The following EIF3B variants were observed in gnomAD, a reference collection of about 807,000 sequenced individuals.
EIF3B encodes eukaryotic translation initiation factor 3 subunit B, also known as eukaryotic translation initiation factor 3 subunit 9.
EIF3B carries 10 observed loss-of-function variants against 104.6 expected under a neutral mutation model. The observed-to-expected ratio is 0.10, with a 90% CI of 0.06 to 0.16. EIF3B has a LOEUF of 0.16. EIF3B is among the 10% of genes least tolerant of loss of function. EIF3B has a pLI of 1.00. For missense variants in EIF3B, 1,014 were observed against 1,087.9 expected (o/e 0.93, Z 0.96); for synonymous variants, 542 against 417.2 (o/e 1.30, Z -3.65).
At chr7:2,378,930 C>A in intron 16 of EIF3B, 164 bp downstream of exon 16, 1 of 768,136 alleles carries the variant, frequency 1.3e-6, no homozygotes, top group Non-Finnish European at 2.1e-6. Context: ...GGGGTTGGCA[C>A]GGGGACTTGG....
chr7:2,379,728 A>G, intron 18 of EIF3B: 1 of 539,520 alleles, frequency 1.9e-6, no homozygotes, highest in Non-Finnish European at 3.3e-6. Flanking sequence ...GGCGCCTTTC[A>G]GGCAGTGCTG....
chr7:2,370,936 G>A (rs1304461783), intron 10 of EIF3B, among the ~76,000 whole-genome samples: 2 of 152,046 alleles, frequency 1.3e-5, no homozygotes, highest in Non-Finnish European at 1.5e-5. Context: ...GGTGGCGGGT[G>A]CCTGTAGTCC....
At chr7:2,356,924 CATCTAGTCTACGCCCCTCAGTCCTGAGG>C (rs1340972356) in intron 1 of EIF3B, among the ~76,000 whole-genome samples, 2 of 152,044 alleles carry the variant, frequency 1.3e-5, no homozygotes, top group Non-Finnish European at 2.9e-5. Context: ...ACTTTGGGAA[CATCTAGTCTACGCCCCTCAGTCCTGAGG>C]AAACTTGTCC....
At chr7:2,362,883 C>T (rs1268080720) in intron 3 of EIF3B, 119 bp downstream of exon 3, 1 of 1,501,280 alleles carries the variant, frequency 6.7e-7, no homozygotes, top group Non-Finnish European at 9.1e-7. Context: ...CCTTTCTGGT[C>T]AGGCTGCCGC....
Position 2,364,147 on chromosome 7 carries a change from C to T in EIF3B, c.1000-225C>T, listed in dbSNP as rs184095082. ...CATGGTGGCAGGCACCTGTAGTCCCCGCTACTCGGGAGGCTGAGGCAGGAG... is the reference window on the plus strand; with the variant it reads ...CATGGTGGCAGGCACCTGTAGTCCCTGCTACTCGGGAGGCTGAGGCAGGAG... On this transcript the variant is annotated intron_variant, in intron 5 of 18. Coordinates refer to ENST00000360876, the MANE Select transcript of EIF3B (RefSeq NM_001037283.2). Among the ~76,000 whole-genome samples the T allele has an allele frequency of 2.9e-3, 436 of 152,068 alleles. 4 individuals carry two copies. The highest frequency in any genetic ancestry group is 0.01 in the African/African-American group (422 of 41,470).
chr7:2,363,312 A>T (rs893356315), intron 4 of EIF3B, among the ~76,000 whole-genome samples, 185 bp downstream of exon 4: 7 of 151,964 alleles, frequency 4.6e-5, no homozygotes, highest in African/African-American at 1.7e-4. Context: ...AAATACATAC[A>T]TTAGCTGGGC....
Position 2,363,708 on chromosome 7 carries a change from C to T in EIF3B, c.947C>T (p.Thr316Ile). The T allele has an allele frequency of 6.2e-7, 1 of 1,614,132 alleles. No homozygotes were observed. The highest frequency in any genetic ancestry group is 8.5e-7 in the Non-Finnish European group (1 of 1,180,008). Residue 316 changes from threonine (T) to isoleucine (I), a missense_variant, in exon 5 of 19, where the codon ACT becomes ATT. Thr to Ile is a moderately conservative substitution (Grantham distance 89). This residue lies in a region of EIF3B where 201 missense variants were observed against 240.7 expected (regional missense o/e 0.83). Coordinates refer to ENST00000360876, the MANE Select transcript of EIF3B (RefSeq NM_001037283.2). Reference protein sequence around the residue: ...YSVIFESGDRTSIFWNDVKDP... With the variant: ...YSVIFESGDRISIFWNDVKDP... ...GTGATTTTTGAGAGTGGAGACCGCA[C>T]TTCCATATTCTGGAATGACGTAAAA...
chr7:2,355,354 A>G lies in EIF3B; in HGVS notation c.433A>G (p.Asn145Asp), dbSNP rs1301709305. Residue 145 changes from asparagine (N) to aspartate (D), a missense_variant, in exon 1 of 19, where the codon AAC becomes GAC. Around this residue, in one of 4 missense-constraint regions of EIF3B, gnomAD observed 488 missense variants for 404.3 expected, o/e 1.21. Coordinates refer to ENST00000360876, the MANE Select transcript of EIF3B (RefSeq NM_001037283.2). ...CGAGGCCGAACCCCGGGCGCTGGAG[A>G]ACGGCGACGCGGACGAGCCCTCCTT... Reference protein sequence around the residue: ...AAEAEPRALENGDADEPSFSD... With the variant: ...AAEAEPRALEDGDADEPSFSD... 4 of 1,539,036 alleles carry G rather than the reference A, an allele frequency of 2.6e-6. No homozygotes were observed. The highest frequency in any genetic ancestry group is 2.8e-5 in the African/African-American group (2 of 72,646).
Position 2,378,842 on chromosome 7 carries a change from C to T in EIF3B, c.2232+76C>T, listed in dbSNP as rs1031816327. The T allele has an allele frequency of 5.8e-5, 76 of 1,299,888 alleles. No individual in the cohort carries two copies. In the South Asian group the frequency reaches 6.8e-4, roughly 12 times the overall value. The allele number at this position is 1,299,888 out of a possible 1,614,324, so 80.5% of individuals were successfully genotyped here. Reference sequence around the variant, plus strand: ...GCAAAGGCGGGGCTGCGGGGAGCTGCTGTGTATGTGCTCAGAGTTGCCTCT... The same window carrying T: ...GCAAAGGCGGGGCTGCGGGGAGCTGTTGTGTATGTGCTCAGAGTTGCCTCT... On this transcript the variant is annotated intron_variant, in intron 16 of 18. Coordinates refer to ENST00000360876, the MANE Select transcript of EIF3B (RefSeq NM_001037283.2).
intron 11 of EIF3B, 200 bp downstream of exon 11, chr7:2,372,049 TA>T (rs1780371684): frequency 1.3e-5 from 7 of 549,740 alleles, no homozygotes; most frequent in East Asian, 3.0e-5. Flanking sequence ...AAAAAACAAA[TA>T]AAAAAAATTA....
chr7:2,356,582 G>A (rs1779455363), intron 1 of EIF3B, among the ~76,000 whole-genome samples: 1 of 140,250 alleles, frequency 7.1e-6, no homozygotes, highest in African/African-American at 2.7e-5. Context: ...CATCCTGGGC[G>A]ACAGAGCAAG....
At chr7:2,368,676 G>T (rs543662923) in intron 9 of EIF3B, among the ~76,000 whole-genome samples, 1 of 152,338 alleles carries the variant, frequency 6.6e-6, no homozygotes, top group East Asian at 1.9e-4. Flanking sequence ...GAAAAGAGGG[G>T]ACTCTGCTTA....
chr7:2,360,702 T>C lies in EIF3B; in HGVS notation c.500-8T>C. 4 of 1,571,668 alleles carry C rather than the reference T, an allele frequency of 2.5e-6. No homozygotes were observed. The highest frequency in any genetic ancestry group is 2.6e-6 in the Non-Finnish European group (3 of 1,151,620). ...AAAATGATCATTTGAAAAATCTCTCTTGTTCAGAATTACTGGGAGATGTAC... is the reference window on the plus strand; with the variant it reads ...AAAATGATCATTTGAAAAATCTCTCCTGTTCAGAATTACTGGGAGATGTAC... On this transcript the variant is annotated splice_region_variant and splice_polypyrimidine_tract_variant and intron_variant, in intron 1 of 18. Coordinates refer to ENST00000360876, the MANE Select transcript of EIF3B (RefSeq NM_001037283.2).
intron 9 of EIF3B, among the ~76,000 whole-genome samples, chr7:2,367,770 T>G (rs1780105114): frequency 6.6e-6 from 1 of 150,804 alleles, no homozygotes; most frequent in Non-Finnish European, 1.5e-5. Context: ...GCCCAGCCTG[T>G]CACTCAGTTC....
At chr7:2,356,676 T>C (rs183587336) in intron 1 of EIF3B, among the ~76,000 whole-genome samples, 5 of 151,828 alleles carry the variant, frequency 3.3e-5, no homozygotes, top group African/African-American at 1.2e-4. Flanking sequence ...GGTGCACACC[T>C]GTAGTCTCAG....
intron 14 of EIF3B, chr7:2,375,917 A>C: frequency 5.4e-6 from 1 of 186,238 alleles, no homozygotes. Flanking sequence ...CTCGTATTCC[A>C]AAACTGCTGG....
chr7:2,378,340 TGA>T (rs2115342013), intron 15 of EIF3B: 1 of 269,562 alleles, frequency 3.7e-6, no homozygotes, highest in Admixed American at 5.7e-5. Flanking sequence ...GTTGTGTGAA[TGA>T]CCCTTGGTGT....
intron 6 of EIF3B, among the ~76,000 whole-genome samples, chr7:2,366,083 G>A (rs749705714): frequency 5.3e-5 from 8 of 152,108 alleles, no homozygotes; most frequent in Non-Finnish European, 7.4e-5. Flanking sequence ...GTGTGGGATC[G>A]GTGAGATCTT....
intron 4 of EIF3B, 141 bp downstream of exon 4, chr7:2,363,268 C>T: frequency 1.3e-6 from 1 of 792,630 alleles, no homozygotes; most frequent in African/African-American, 1.7e-5. Context: ...GCCTGGGCAA[C>T]AAAGTGAGAC....
Sources: gnomAD v4.1 joint callset for allele counts (sites outside exome capture counted in the v4.1 genomes callset) on GRCh38, gnomAD v4.1.1 for gene constraint, gnomAD v4.1.1 regional missense constraint, MANE v1.5 for transcripts, NCBI Gene and HGNC (gene_info 2026-07-23, HGNC 2026-07-21) for gene names.